The following SLC9A7 variants were observed in gnomAD, a reference collection of about 807,000 sequenced individuals.
SLC9A7 encodes solute carrier family 9 member A7.
A neutral mutation model predicts 52.6 loss-of-function variants in SLC9A7; 19 were observed. The ratio of observed to expected loss-of-function variants is 0.36; its 90% CI spans 0.25 to 0.53. The LOEUF is 0.53. Ranked by LOEUF, SLC9A7 falls within the 20% of genes least tolerant of loss-of-function variation. SLC9A7 has a pLI of 0.91. For missense variants in SLC9A7, 455 were observed against 597.9 expected (o/e 0.76, Z 2.49); for synonymous variants, 226 against 252.1 (o/e 0.90, Z 0.98).
At chrX:46,748,354 AAAAAG>A (rs1274128736) in intron 1 of SLC9A7, among the ~76,000 whole-genome samples, 14 of 74,659 alleles carry the variant, frequency 1.9e-4, no homozygotes, top group Non-Finnish European at 2.3e-4. Context: ...CAAAAAAAAA[AAAAAG>A]AAAGAAAGGA....
chrX:46,707,515 A>G (rs1348808192), intron 1 of SLC9A7, among the ~76,000 whole-genome samples: 1 of 111,878 alleles, frequency 8.9e-6, no homozygotes, highest in Non-Finnish European at 1.9e-5. Flanking sequence ...AAGGGAGCCC[A>G]AGGTTCACAT....
intron 1 of SLC9A7, among the ~76,000 whole-genome samples, chrX:46,717,582 G>T (rs752947946): frequency 1.2e-4 from 13 of 111,335 alleles, no homozygotes; most frequent in Non-Finnish European, 2.3e-4. Context: ...GCTTCATCAT[G>T]TTGGCAAGGC....
rs758290535 is a variant in SLC9A7 at position 46,606,690 on chromosome X, T to G, written c.*262A>C. ...GAGACCATTAAAGCATGCTATTTTT[T>G]TTTGTTTGTTTAACTCTGAAACAGC... On this transcript the variant is annotated 3_prime_UTR_variant, in exon 17 of 17. Transcript: ENST00000616978. 1.5e-4 allele frequency: 152 copies of G among 1,034,031 alleles called. No homozygotes were observed. The African/African-American group carries it at 1.7e-3, about 12-fold the overall frequency. 85.2% of individuals were successfully genotyped at this position (1,034,031 alleles called of 1,213,427 possible). A position where few individuals can be genotyped will look rare whatever the true frequency, so the allele number is the denominator to read the frequency against.
At chrX:46,619,821 G>A (rs187453795) in intron 15 of SLC9A7, among the ~76,000 whole-genome samples, 8 of 108,211 alleles carry the variant, frequency 7.4e-5, no homozygotes, top group Non-Finnish European at 1.3e-4. Context: ...ATTTTTTGTA[G>A]AGACAGGGTT....
intron 7 of SLC9A7, 112 bp downstream of exon 7, chrX:46,661,904 G>T: frequency 2.9e-6 from 2 of 690,118 alleles, no homozygotes; most frequent in African/African-American, 2.2e-5. Context: ...ATGCCCCAGT[G>T]GAACACTCAA....
intron 15 of SLC9A7, among the ~76,000 whole-genome samples, chrX:46,619,594 T>C (rs1602139352): frequency 9.0e-6 from 1 of 111,655 alleles, no homozygotes; most frequent in African/African-American, 3.3e-5. Flanking sequence ...ATATATATAC[T>C]GTATAATCCT....
chrX:46,640,533 G>GA (rs1168809717), intron 12 of SLC9A7, among the ~76,000 whole-genome samples: 24 of 110,276 alleles, frequency 2.2e-4, no homozygotes, highest in Non-Finnish European at 3.8e-5. Context: ...ACCCATAAAA[G>GA]AAAAAAAATG....
chrX:46,739,697 T>A (rs1375072635), intron 1 of SLC9A7, among the ~76,000 whole-genome samples: 1 of 111,770 alleles, frequency 8.9e-6, no homozygotes, highest in African/African-American at 3.3e-5. Flanking sequence ...TTCCAATGCC[T>A]TGGTAAACAG....
chrX:46,661,059 CA>C (rs1484057805), intron 7 of SLC9A7, among the ~76,000 whole-genome samples: 1 of 111,376 alleles, frequency 9.0e-6, no homozygotes, highest in African/African-American at 3.3e-5. Context: ...ATGATGAGTT[CA>C]TGTCCTTTGT....
intron 1 of SLC9A7, among the ~76,000 whole-genome samples, chrX:46,711,899 TACACACACACACACAC>T (rs57570264): frequency 4.4e-5 from 4 of 91,180 alleles, no homozygotes; most frequent in Non-Finnish European, 6.3e-5. Context: ...GCCTCTAAAT[TACACACACACACACAC>T]ACACACACAC....
At position 46,606,821 on chromosome X, in the gene SLC9A7, G is replaced by C; in HGVS notation, c.*131C>G. On this transcript the variant is annotated 3_prime_UTR_variant, in exon 17 of 17. Transcript: ENST00000616978. Reference sequence around the variant, plus strand: ...GAGTTAAATTTTAAGTGTTACAATAGCTTCAGACCCCAATAAAATAGAAGA... The same window carrying C: ...GAGTTAAATTTTAAGTGTTACAATACCTTCAGACCCCAATAAAATAGAAGA... The C allele has an allele frequency of 8.8e-7, 1 of 1,136,057 alleles. No individual in the cohort carries two copies. The highest frequency in any genetic ancestry group is 1.2e-6 in the Non-Finnish European group (1 of 859,615). 93.6% of individuals were successfully genotyped at this position (1,136,057 alleles called of 1,213,427 possible). A position where few individuals can be genotyped will look rare whatever the true frequency, so the allele number is the denominator to read the frequency against.
chrX:46,707,179 C>A (rs1944617105), intron 1 of SLC9A7, among the ~76,000 whole-genome samples: 1 of 112,288 alleles, frequency 8.9e-6, no homozygotes, highest in African/African-American at 3.2e-5. Flanking sequence ...TCCAATGGCT[C>A]CTCGCCAGCT....
chrX:46,729,958 T>C (rs762537199), intron 1 of SLC9A7, among the ~76,000 whole-genome samples: 10 of 111,845 alleles, frequency 8.9e-5, no homozygotes, highest in Non-Finnish European at 1.7e-4. Flanking sequence ...GATAAATATT[T>C]ATTTTTTAAC....
chrX:46,710,856 A>G (rs747362074), intron 1 of SLC9A7, among the ~76,000 whole-genome samples: 3 of 111,750 alleles, frequency 2.7e-5, no homozygotes, highest in Non-Finnish European at 5.6e-5. Flanking sequence ...TCTGATGACA[A>G]CCTGGGGTCC....
In SLC9A7 at chrX:46,682,421, C is replaced by T; in HGVS notation, c.440G>A (p.Ser147Asn). Residue 147 changes from serine to asparagine, a missense_variant, in exon 2 of 17, where the codon AGC (serine) becomes AAC (asparagine). This residue lies in a region of SLC9A7 where 304 missense variants were observed against 417.8 expected (regional missense o/e 0.73). Transcript: ENST00000616978. ...RAFSTLLVNV[S>N]GKFFEYTLKG... is the part of the protein sequence containing the mutation. ...CAGAGTGTATTCGAAGAACTTTCCG[C>T]TGACATTCACTAATAAGGTACTGAA... The T allele has an allele frequency of 6.6e-6, 8 of 1,210,930 alleles. No homozygotes were observed. Among genetic ancestry groups the T allele is most frequent in the Non-Finnish European group, 8.9e-6 (8 of 895,069 alleles).
At position 46,670,317 on chromosome X, in the gene SLC9A7, A is replaced by G. The variant is rs1220186653; in HGVS notation, c.681-598T>C. On this transcript the variant is annotated intron_variant, in intron 4 of 16. Coordinates refer to ENST00000616978, the MANE Select transcript of SLC9A7 (RefSeq NM_001257291.2). ...CTTTCACTCTTTGCATGGGTCAGGCAGGCCAGCAATAGCCCTCCTTATGCT... is the reference window on the plus strand; with the variant it reads ...CTTTCACTCTTTGCATGGGTCAGGCGGGCCAGCAATAGCCCTCCTTATGCT... 4.5e-5 allele frequency among the ~76,000 whole-genome samples: 5 copies of G among 112,282 alleles called. No homozygotes were observed. The East Asian group carries it at 1.4e-3, about 31-fold the overall frequency.
At chrX:46,702,158 T>C (rs1944541096) in intron 1 of SLC9A7, among the ~76,000 whole-genome samples, 1 of 112,106 alleles carries the variant, frequency 8.9e-6, no homozygotes. Context: ...GTTCATGTGG[T>C]CTCACTGCTG....
At chrX:46,666,312 T>C (rs1294020391) in intron 5 of SLC9A7, among the ~76,000 whole-genome samples, 2 of 111,473 alleles carry the variant, frequency 1.8e-5, no homozygotes, top group Non-Finnish European at 3.8e-5. Flanking sequence ...TTCTACTATG[T>C]TGCCCAGGCT....
chrX:46,716,035 T>C lies in SLC9A7; in HGVS notation c.326-33500A>G, dbSNP rs5952930. On this transcript the variant is annotated intron_variant, in intron 1 of 16. Transcript: ENST00000616978. ...TGGCAAAAGTCCTTAAGGCAGGCAG[T>C]GCACATATAGACAGCCCCTGACTTA... Among the ~76,000 whole-genome samples, 786 of 111,797 alleles carry C rather than the reference T, an allele frequency of 7.0e-3. 9 individuals carry two copies. The highest frequency in any genetic ancestry group is 0.023 in the African/African-American group (722 of 30,807).
Sources: allele counts gnomAD v4.1 joint callset (sites outside exome capture counted in the v4.1 genomes callset), GRCh38; gene constraint gnomAD v4.1.1; regional missense constraint gnomAD v4.1.1; transcripts MANE v1.5; gene names NCBI Gene and HGNC (gene_info 2026-07-23, HGNC 2026-07-21).